Variants in IPP observed in about 807,000 individuals in gnomAD.
IPP encodes intracisternal A particle-promoted polypeptide.
A neutral mutation model predicts 64.1 loss-of-function variants in IPP; 41 were observed. The ratio of observed to expected loss-of-function variants is 0.64; its 90% CI spans 0.50 to 0.83. The LOEUF (loss-of-function observed/expected upper bound fraction) is 0.83, where lower values mean the gene tolerates loss of function less well. IPP is among the 40% of genes least tolerant of loss of function. The pLI, the probability that IPP is intolerant of heterozygous loss-of-function variation, is 0.00. For synonymous variants in IPP, 214 were observed against 235.2 expected (o/e 0.91, Z 0.83); for missense variants, 649 against 703.0 (o/e 0.92, Z 0.87).
chr1:45,701,326 T>C (rs1645453124), intron 8 of IPP, among the ~76,000 whole-genome samples: 1 of 152,130 alleles, frequency 6.6e-6, no homozygotes, highest in Non-Finnish European at 1.5e-5. Flanking sequence ...TCGCTCTTGT[T>C]GCCCAGGCTG....
At chr1:45,701,381 A>T (rs1324018446) in intron 8 of IPP, among the ~76,000 whole-genome samples, 1 of 151,928 alleles carries the variant, frequency 6.6e-6, no homozygotes, top group Non-Finnish European at 1.5e-5. Context: ...TCTGTCTCCC[A>T]GGTTCAAGCG....
At chr1:45,707,856 A>G (rs1407871543) in intron 8 of IPP, among the ~76,000 whole-genome samples, 1 of 152,248 alleles carries the variant, frequency 6.6e-6, no homozygotes, top group South Asian at 2.1e-4. Context: ...AAGAAGTTCA[A>G]TGAATTCCAA....
chr1:45,694,680 T>C (rs1645371713), downstream of IPP: 2 of 554,804 alleles, frequency 3.6e-6, no homozygotes, highest in African/African-American at 3.8e-5. Context: ...CATTCAAAGG[T>C]AAGTTGGACA....
chr1:45,735,790 A>AGGCCACCACACCAGGCCACCACACCG lies in IPP; in HGVS notation c.724+5110_724+5111insCGGTGTGGTGGCCTGGTGTGGTGGCC, dbSNP rs1369549009. Among the ~76,000 whole-genome samples the AGGCCACCACACCAGGCCACCACACCG allele has an allele frequency of 2.6e-3, 389 of 151,182 alleles. 3 individuals are homozygous for AGGCCACCACACCAGGCCACCACACCG. The highest frequency in any genetic ancestry group is 9.0e-3 in the African/African-American group (369 of 41,224). The stretch of plus-strand genomic sequence containing the variant: ...GACTACAGATGCGTGACACCACACC[A>AGGCCACCACACCAGGCCACCACACCG]GGCCACGCCTGGCTAATTTTTAAAA... On this transcript the variant is annotated intron_variant, in intron 3 of 8. Coordinates refer to ENST00000396478, the MANE Select transcript of IPP (RefSeq NM_005897.3).
intron 5 of IPP, among the ~76,000 whole-genome samples, chr1:45,723,775 A>G (rs1374196869): frequency 6.6e-6 from 1 of 152,184 alleles, no homozygotes; most frequent in Non-Finnish European, 1.5e-5. Context: ...GAAAATATTT[A>G]TACAATTTTT....
intron 1 of IPP, among the ~76,000 whole-genome samples, chr1:45,747,828 C>CT (rs1646158539): frequency 1.2e-5 from 1 of 84,726 alleles, no homozygotes; most frequent in Admixed American, 1.8e-4. Flanking sequence ...GAGCAAGACT[C>CT]TGTCTCAAAA....
chr1:45,735,466 CTTTTTTT>C (rs756979985), intron 3 of IPP, among the ~76,000 whole-genome samples: 1,151 of 58,032 alleles, frequency 0.02, 14 homozygotes, highest in African/African-American at 0.065. Flanking sequence ...TTTAATTTTG[CTTTTTTT>C]TTTTTTTTTT....
downstream of IPP, chr1:45,694,395 C>A (rs1049990913): frequency 6.9e-6 from 8 of 1,153,948 alleles, no homozygotes; most frequent in African/African-American, 1.2e-4. Flanking sequence ...TTAAACATTT[C>A]AATATTTTAA....
intron 1 of IPP, among the ~76,000 whole-genome samples, chr1:45,747,656 C>T (rs986535091): frequency 6.6e-6 from 1 of 151,706 alleles, no homozygotes; most frequent in African/African-American, 2.4e-5. Flanking sequence ...GACAAAACCC[C>T]GTCTCTTCTA....
intron 4 of IPP, among the ~76,000 whole-genome samples, chr1:45,729,308 T>A (rs1175299750): frequency 6.6e-6 from 1 of 152,168 alleles, no homozygotes; most frequent in Non-Finnish European, 1.5e-5. Context: ...TTTTTCACAA[T>A]AATTCAAATT....
intron 1 of IPP, among the ~76,000 whole-genome samples, chr1:45,747,112 G>GCC (rs1646146040): frequency 6.7e-6 from 1 of 149,938 alleles, no homozygotes; most frequent in African/African-American, 2.4e-5. Flanking sequence ...GCATGCGCGC[G>GCC]CACACGAGCG....
At chr1:45,706,652 T>C (rs1645516543) in intron 8 of IPP, among the ~76,000 whole-genome samples, 1 of 152,124 alleles carries the variant, frequency 6.6e-6, no homozygotes, top group South Asian at 2.1e-4. Flanking sequence ...GGTTTCACCA[T>C]GTTGGCCAGG....
chr1:45,727,571 A>G (rs528453699), intron 5 of IPP, 60 bp downstream of exon 5: 3 of 1,086,424 alleles, frequency 2.8e-6, no homozygotes, highest in Non-Finnish European at 3.8e-6. Context: ...ATAAATCATA[A>G]AGCATATTAG....
chr1:45,719,121 A>G, intron 6 of IPP, 82 bp downstream of exon 6: 1 of 1,313,388 alleles, frequency 7.6e-7, no homozygotes, highest in East Asian at 2.5e-5. Context: ...ATAAATATAT[A>G]TACCTATTAT....
intron 3 of IPP, among the ~76,000 whole-genome samples, chr1:45,731,112 T>A (rs1473423629): frequency 6.6e-6 from 1 of 152,234 alleles, no homozygotes; most frequent in East Asian, 1.9e-4. Flanking sequence ...CTAGTGGATC[T>A]CTAGTCTTCA....
intron 5 of IPP, among the ~76,000 whole-genome samples, chr1:45,721,227 T>G: frequency 6.6e-6 from 1 of 152,222 alleles, no homozygotes; most frequent in Non-Finnish European, 1.5e-5. Flanking sequence ...GGAATATGGC[T>G]GGTTAACAGT....
intron 5 of IPP, among the ~76,000 whole-genome samples, chr1:45,721,761 T>C (rs1426396228): frequency 6.6e-6 from 1 of 152,226 alleles, no homozygotes; most frequent in Non-Finnish European, 1.5e-5. Flanking sequence ...AAAAAGTTAC[T>C]TCTTGAAAGA....
Position 45,737,600 on chromosome 1 carries a change from A to G in IPP, c.724+3301T>C, listed in dbSNP as rs535993900. ...CTCAGCCCCATGAATAGCTGGGTCT[A>G]CAAGCACATGCCACCATCCCCAGCC... On this transcript the variant is annotated intron_variant, in intron 3 of 8. Transcript: ENST00000396478. Among the ~76,000 whole-genome samples the G allele has an allele frequency of 4.6e-5, 7 of 151,650 alleles. No individual in the cohort carries two copies. In the East Asian group the frequency reaches 1.4e-3, roughly 29 times the overall value.
chr1:45,733,568 G>A (rs1645938498), intron 3 of IPP, among the ~76,000 whole-genome samples: 1 of 151,506 alleles, frequency 6.6e-6, no homozygotes, highest in Non-Finnish European at 1.5e-5. Flanking sequence ...GCCAGGCATG[G>A]TGGCTCACGC....
Sources: allele counts gnomAD v4.1 joint callset (sites outside exome capture counted in the v4.1 genomes callset), GRCh38; gene constraint gnomAD v4.1.1; transcripts MANE v1.5; gene names NCBI Gene and HGNC (gene_info 2026-07-23, HGNC 2026-07-21).